The following CDH15 variants were observed in gnomAD, a reference collection of about 807,000 sequenced individuals.
CDH15 encodes cadherin-15.
Under a neutral mutation model 69.4 loss-of-function variants are expected in CDH15, and 73 were observed. The ratio of observed to expected loss-of-function variants is 1.05; its 90% CI spans 0.87 to 1.28. The LOEUF (loss-of-function observed/expected upper bound fraction) is 1.28, where lower values mean the gene tolerates loss of function less well. CDH15 is among the 50% of genes most tolerant of loss of function. The probability of loss-of-function intolerance (pLI) is 0.00; values close to 1 mark genes in which losing one functional copy is unlikely to be tolerated. For missense variants in CDH15, 1,343 were observed against 1,133.6 expected (o/e 1.18, Z -2.65); for synonymous variants, 624 against 507.7 (o/e 1.23, Z -3.08).
At chr16:89,176,225 G>T (rs561200486) in intron 1 of CDH15, among the ~76,000 whole-genome samples, 1 of 152,330 alleles carries the variant, frequency 6.6e-6, no homozygotes, top group African/African-American at 2.4e-5. Context: ...ATGCCCCCAC[G>T]TCCCGGCCCC....
At chr16:89,193,944 A>C (rs748451438) in intron 13 of CDH15, 31 bp downstream of exon 13, 3 of 1,606,260 alleles carry the variant, frequency 1.9e-6, no homozygotes, top group African/African-American at 1.3e-5. Context: ...CCCAGTACAC[A>C]CAGGCACGCA....
chr16:89,193,591 C>T lies in CDH15; in HGVS notation c.1977C>T (p.Gly659=), dbSNP rs200178583. The change falls in exon 12 of 14, where the codon GGC becomes GGT. Residue 659 remains glycine, a synonymous_variant. Coordinates refer to ENST00000289746, the MANE Select transcript of CDH15 (RefSeq NM_004933.3). ...DNVLNYDEQG[G]GEEDQDAYDI... is the part of the protein sequence containing the mutation. Reference sequence around the variant, plus strand: ...TCCTCAACTACGATGAGCAAGGAGGCGGGGAGGAGGACCAGGTGAGGGGGC... The same window carrying T: ...TCCTCAACTACGATGAGCAAGGAGGTGGGGAGGAGGACCAGGTGAGGGGGC... 539 of 1,362,074 alleles carry T rather than the reference C, an allele frequency of 4.0e-4. 4 individuals carry two copies. The East Asian group carries it at 9.4e-3, about 24-fold the overall frequency. 84.4% of individuals were successfully genotyped at this position (1,362,074 alleles called of 1,614,324 possible). A position where few individuals can be genotyped will look rare whatever the true frequency, so the allele number is the denominator to read the frequency against.
chr16:89,193,955 C>T (rs1209559505), intron 13 of CDH15, 42 bp downstream of exon 13: 16 of 1,599,124 alleles, frequency 1.0e-5, no homozygotes, highest in Non-Finnish European at 1.3e-5. Context: ...CAGGCACGCA[C>T]AGGTGCACAC....
Position 89,191,652 on chromosome 16 carries a change from C to T in CDH15, c.1376-3C>T, listed in dbSNP as rs1301384814. Reference sequence around the variant, plus strand: ...CACTAAGCCGCGGCCTCCTCGCCTGCAGCCTCCCAGCCCCGCACCGCCACC... The same window carrying T: ...CACTAAGCCGCGGCCTCCTCGCCTGTAGCCTCCCAGCCCCGCACCGCCACC... On this transcript the variant is annotated splice_region_variant and splice_polypyrimidine_tract_variant and intron_variant, in intron 9 of 13. Transcript: ENST00000289746. 2 of 1,582,978 alleles carry T rather than the reference C, an allele frequency of 1.3e-6. No individual in the cohort carries two copies. Among genetic ancestry groups the T allele is most frequent in the South Asian group, 2.3e-5 (2 of 88,852 alleles).
rs753628647 is a variant in CDH15, at chr16:89,188,280, G to C, written c.973G>C (p.Val325Leu). ...PKTNEGVLSI[V>L]KALDYESCEH... Reference sequence around the variant, plus strand: ...GACCAACGAGGGTGTTCTGTCCATTGTGAAGGTGAGCGGCCCCCGGCTGGC... The same window carrying C: ...GACCAACGAGGGTGTTCTGTCCATTCTGAAGGTGAGCGGCCCCCGGCTGGC... The change falls in exon 7 of 14, where the codon GTG becomes CTG. Residue 325 changes from valine (V) to leucine (L), a missense_variant. Val to Leu is a conservative substitution (Grantham distance 32). Coordinates refer to ENST00000289746, the MANE Select transcript of CDH15 (RefSeq NM_004933.3). The C allele has an allele frequency of 1.9e-6, 3 of 1,613,010 alleles. No homozygotes were observed. Among genetic ancestry groups the C allele is most frequent in the East Asian group, 4.5e-5 (2 of 44,882 alleles).
At chr16:89,188,820 AGATG>A (rs1915561619) in intron 7 of CDH15, among the ~76,000 whole-genome samples, 1 of 90,630 alleles carries the variant, frequency 1.1e-5, no homozygotes, top group Non-Finnish European at 2.3e-5. Flanking sequence ...GCTGGCACAC[AGATG>A]CCCACGCACA....
chr16:89,195,420 C>T lies in CDH15; in HGVS notation c.*265C>T. 3.9e-6 allele frequency: 2 copies of T among 518,656 alleles called. No individual in the cohort carries two copies. Among genetic ancestry groups the T allele is most frequent in the South Asian group, 3.1e-5 (1 of 32,538 alleles). 32.1% of individuals were successfully genotyped at this position (518,656 alleles called of 1,614,324 possible). A position where few individuals can be genotyped will look rare whatever the true frequency, so the allele number is the denominator to read the frequency against. ...CCCACCTTTGCCTCCTACCAGTGAA[C>T]CTCATCTTTGTATGAAAGACAGCAA... On this transcript the variant is annotated 3_prime_UTR_variant, in exon 14 of 14. Transcript: ENST00000289746.
chr16:89,174,903 C>T (rs1048947110), intron 1 of CDH15, among the ~76,000 whole-genome samples: 1 of 152,154 alleles, frequency 6.6e-6, no homozygotes, highest in African/African-American at 2.4e-5. Context: ...GTCCTGGGCA[C>T]CGGATGTCCC....
intron 1 of CDH15, 44 bp downstream of exon 1, chr16:89,171,917 C>T: frequency 6.6e-7 from 1 of 1,524,146 alleles, no homozygotes; most frequent in Non-Finnish European, 8.8e-7. Context: ...CCTCCCTCGA[C>T]GCTGCGGGAC....
chr16:89,172,479 C>T lies in CDH15; in HGVS notation c.42+606C>T, dbSNP rs528694991. On this transcript the variant is annotated intron_variant, in intron 1 of 13. Coordinates refer to ENST00000289746, the MANE Select transcript of CDH15 (RefSeq NM_004933.3). ...GAGTGGCGTGTGGCAGCCCTGGGGG[C>T]TCTGTTCCTGGGCTTCACCTGGGAC... is the stretch of plus-strand genomic sequence containing the variant. 1.4e-4 allele frequency among the ~76,000 whole-genome samples: 22 copies of T among 152,280 alleles called. No individual in the cohort carries two copies. In the South Asian group the frequency reaches 4.6e-3, roughly 32 times the overall value.
intron 1 of CDH15, among the ~76,000 whole-genome samples, 195 bp from the exon 2 acceptor site, chr16:89,179,221 C>T (rs1276647547): frequency 2.6e-5 from 4 of 152,190 alleles, no homozygotes; most frequent in East Asian, 1.9e-4. Context: ...CCGACGGGGG[C>T]GGGGCTCACG....
intron 13 of CDH15, 81 bp downstream of exon 13, chr16:89,193,994 GCA>G: frequency 5.4e-6 from 8 of 1,486,596 alleles, no homozygotes; most frequent in Non-Finnish European, 6.5e-6. Context: ...ACCTGCACAT[GCA>G]TGCAAGAACC....
chr16:89,190,736 G>T (rs562824488), intron 8 of CDH15, among the ~76,000 whole-genome samples: 1 of 152,062 alleles, frequency 6.6e-6, no homozygotes, highest in South Asian at 2.1e-4. Context: ...CCTGCCAGCC[G>T]TGTCCATCCC....
At chr16:89,172,974 C>A (rs1053066191) in intron 1 of CDH15, among the ~76,000 whole-genome samples, 1 of 152,158 alleles carries the variant, frequency 6.6e-6, no homozygotes, top group African/African-American at 2.4e-5. Flanking sequence ...AAGGGGCTTC[C>A]TGAGTCCCCT....
chr16:89,191,761 G>A lies in CDH15; in HGVS notation c.1482G>A (p.Glu494=). The part of the protein sequence containing the change: ...APPPPGSLCS[E]PHQGPGLLLG... ...CGCCGCCGGGCAGCCTGTGCAGCGA[G>A]CCACACCAAGGCCCAGGCCTCCTCC... is the stretch of plus-strand genomic sequence containing the variant. Residue 494 remains glutamate, a synonymous_variant, in exon 10 of 14, where the codon GAG becomes GAA. Coordinates refer to ENST00000289746, the MANE Select transcript of CDH15 (RefSeq NM_004933.3). The A allele has an allele frequency of 6.2e-7, 1 of 1,606,480 alleles. No homozygotes were observed. Among genetic ancestry groups the A allele is most frequent in the Non-Finnish European group, 8.5e-7 (1 of 1,179,566 alleles).
chr16:89,184,063 G>T (rs779729934), intron 4 of CDH15, among the ~76,000 whole-genome samples: 11 of 152,128 alleles, frequency 7.2e-5, no homozygotes, highest in Non-Finnish European at 1.5e-4. Context: ...CTAAACCCAG[G>T]CTGACCTGTA....
chr16:89,173,308 C>T (rs1364839340), intron 1 of CDH15, among the ~76,000 whole-genome samples: 7 of 152,304 alleles, frequency 4.6e-5, no homozygotes, highest in Middle Eastern at 3.4e-3. Flanking sequence ...GGGAGGCTGG[C>T]GCCTGTGAAA....
At chr16:89,179,666 G>A (rs763540000) in intron 2 of CDH15, 92 bp downstream of exon 2, 2 of 1,360,622 alleles carry the variant, frequency 1.5e-6, no homozygotes, top group Non-Finnish European at 2.0e-6. Context: ...GGGAGCCAGC[G>A]GGGCCCCATT....
In CDH15 at chr16:89,192,179, T is replaced by C. The variant is rs1332587983; in HGVS notation, c.1616-26T>C. On this transcript the variant is annotated intron_variant, in intron 10 of 13. Coordinates refer to ENST00000289746, the MANE Select transcript of CDH15 (RefSeq NM_004933.3). ...AAGTGGGGGCGGCCTCGGGAGGCCC[T>C]CGCTCACCACAGGCGCCCTCCGCAG... The C allele has an allele frequency of 4.6e-6, 7 of 1,518,306 alleles. No homozygotes were observed. In the East Asian group the frequency reaches 1.7e-4, roughly 38 times the overall value. 94.1% of individuals were successfully genotyped at this position (1,518,306 alleles called of 1,614,324 possible).
Sources: allele counts gnomAD v4.1 joint callset (sites outside exome capture counted in the v4.1 genomes callset), GRCh38; gene constraint gnomAD v4.1.1; transcripts MANE v1.5; gene names NCBI Gene and HGNC (gene_info 2026-07-23, HGNC 2026-07-21).